FGF12: variants seen among roughly 807,000 people sequenced by gnomAD.
The protein encoded by FGF12 is fibroblast growth factor 12.
In FGF12, 14 loss-of-function variants were observed where a neutral mutation model predicts 23.6. That is an observed-to-expected ratio of 0.59 (90% CI 0.39 to 0.93). The LOEUF (loss-of-function observed/expected upper bound fraction) is 0.93. Among genes scored for constraint, FGF12 ranks in the 40% least tolerant of loss-of-function variants. The pLI, the probability that FGF12 is intolerant of heterozygous loss-of-function variation, is 0.00. For missense variants in FGF12, 175 were observed against 217.8 expected, an observed-to-expected ratio of 0.80 and a Z score of 1.24; for synonymous variants, 62 against 77.3, an observed-to-expected ratio of 0.80 and a Z score of 1.04.
intron 2 of FGF12, among the ~76,000 whole-genome samples, chr3:192,445,633 G>C (rs73889334): frequency 2.0e-5 from 3 of 152,124 alleles, no homozygotes; most frequent in Non-Finnish European, 4.4e-5. Flanking sequence ...AATTCTGAAA[G>C]GTGGGGGTCT....
intron 4 of FGF12, chr3:192,238,457 A>C (rs1719421707): frequency 6.6e-6 from 1 of 152,284 alleles, no homozygotes; most frequent in Non-Finnish European, 1.5e-5. Flanking sequence ...GGAGTGTGCC[A>C]GCAGGGGGAG....
intron 2 of FGF12, among the ~76,000 whole-genome samples, chr3:192,452,721 C>T (rs73068307): frequency 0.048 from 7,234 of 152,216 alleles, 595 homozygotes; most frequent in African/African-American, 0.16. Flanking sequence ...CATCCTTGTC[C>T]GTGATTGTGT....
At chr3:192,320,680 T>A (rs1480904877) in intron 4 of FGF12, among the ~76,000 whole-genome samples, 2 of 151,902 alleles carry the variant, frequency 1.3e-5, no homozygotes, top group African/African-American at 4.8e-5. Context: ...TACAAACATA[T>A]GAAAACTAAT....
At chr3:192,369,780 C>A (rs999486312) in intron 2 of FGF12, among the ~76,000 whole-genome samples, 4 of 152,194 alleles carry the variant, frequency 2.6e-5, no homozygotes, top group African/African-American at 9.7e-5. Context: ...CTTGAAGGCA[C>A]CCACGGCCTG....
At chr3:192,658,493 T>C (rs1443172175) in intron 2 of FGF12, among the ~76,000 whole-genome samples, 1 of 152,200 alleles carries the variant, frequency 6.6e-6, no homozygotes, top group Non-Finnish European at 1.5e-5. Flanking sequence ...AAGATCCTCA[T>C]GGAGAGCAGA....
At chr3:192,254,000 CAT>C (rs988049398) in intron 4 of FGF12, among the ~76,000 whole-genome samples, 1 of 151,928 alleles carries the variant, frequency 6.6e-6, no homozygotes, top group African/African-American at 2.4e-5. Flanking sequence ...AGCTAATTAA[CAT>C]ATGTATCTCA....
intron 2 of FGF12, among the ~76,000 whole-genome samples, chr3:192,524,992 C>T (rs1428899752): frequency 6.6e-6 from 1 of 152,078 alleles, no homozygotes; most frequent in Non-Finnish European, 1.5e-5. Context: ...AATTATTGAT[C>T]ACTCTATTTC....
At chr3:192,194,811 T>C (rs1716979241) in intron 4 of FGF12, among the ~76,000 whole-genome samples, 1 of 152,226 alleles carries the variant, frequency 6.6e-6, no homozygotes, top group South Asian at 2.1e-4. Context: ...ATCATTTTTA[T>C]AACATATTTT....
At chr3:192,225,730 T>C (rs898635075) in intron 4 of FGF12, among the ~76,000 whole-genome samples, 10 of 152,186 alleles carry the variant, frequency 6.6e-5, no homozygotes, top group Non-Finnish European at 1.3e-4. Context: ...CATCAACTAA[T>C]TAATGAATAA....
intron 2 of FGF12, among the ~76,000 whole-genome samples, chr3:192,522,755 C>A (rs543826783): frequency 4.6e-4 from 70 of 152,244 alleles, no homozygotes; most frequent in South Asian, 1.0e-3. Flanking sequence ...TAATGTGCTA[C>A]AATTTTTTTA....
intron 4 of FGF12, among the ~76,000 whole-genome samples, chr3:192,302,375 C>T (rs1715396239): frequency 6.6e-6 from 1 of 152,172 alleles, no homozygotes; most frequent in Non-Finnish European, 1.5e-5. Context: ...AGGAGTCAGA[C>T]ATATAATTAA....
chr3:192,674,201 G>C (rs1717238707), intron 2 of FGF12, among the ~76,000 whole-genome samples: 1 of 138,422 alleles, frequency 7.2e-6, no homozygotes, highest in South Asian at 2.2e-4. Context: ...CATAGACTTG[G>C]GTCAGCTGCT....
intron 2 of FGF12, among the ~76,000 whole-genome samples, chr3:192,375,229 A>C (rs1306596058): frequency 6.6e-6 from 1 of 152,040 alleles, no homozygotes; most frequent in Non-Finnish European, 1.5e-5. Flanking sequence ...CTTTAACTTT[A>C]ATTTTCTGAT....
chr3:192,236,239 AT>A (rs35357344), intron 4 of FGF12, among the ~76,000 whole-genome samples: 151,497 of 151,994 alleles, frequency 1, 75,502 homozygotes, highest in Middle Eastern at 1. Context: ...GTATGATGTC[AT>A]TTTTTTTTGA....
chr3:192,256,597 A>C (rs1220316004), intron 4 of FGF12, among the ~76,000 whole-genome samples: 2 of 152,128 alleles, frequency 1.3e-5, no homozygotes, highest in Non-Finnish European at 2.9e-5. Context: ...TTAATGGCAA[A>C]AAAACTTTTT....
At chr3:192,508,588 A>G (rs1202571787) in intron 2 of FGF12, among the ~76,000 whole-genome samples, 1 of 152,232 alleles carries the variant, frequency 6.6e-6, no homozygotes, top group Non-Finnish European at 1.5e-5. Context: ...GCAAGAGCAG[A>G]GAAAAGGTAT....
At chr3:192,257,405 A>C (rs2108613624) in intron 4 of FGF12, among the ~76,000 whole-genome samples, 1 of 152,262 alleles carries the variant, frequency 6.6e-6, no homozygotes, top group East Asian at 1.9e-4. Flanking sequence ...TGGCAGATGA[A>C]GCTCTAATCC....
rs771206580 is a variant in FGF12, at chr3:192,158,383, T to TTTCTTTCTTTC, written c.427+12074_427+12075insGAAAGAAAGAA. On this transcript the variant is annotated intron_variant, in intron 5 of 5. Transcript: ENST00000445105. The stretch of plus-strand genomic sequence containing the variant: ...CTTTCTTTCTTTCTTTCTTTCTTTC[T>TTTCTTTCTTTC]TTTCTTTCTCTCTCTTTCTTTTTCT... Among the ~76,000 whole-genome samples the TTTCTTTCTTTC allele has an allele frequency of 9.3e-5, 8 of 85,898 alleles. No homozygotes were observed. In the South Asian group the frequency reaches 1.1e-3, roughly 12 times the overall value. The allele number at this position is 85,898 out of a possible 152,430, so 56.4% of individuals were successfully genotyped here.
At chr3:192,261,089 G>C (rs1468800852) in intron 4 of FGF12, among the ~76,000 whole-genome samples, 1 of 152,106 alleles carries the variant, frequency 6.6e-6, no homozygotes, top group Non-Finnish European at 1.5e-5. Context: ...GTACGCAGGG[G>C]CTGAGGAAGG....
Sources: allele counts gnomAD v4.1 joint callset (sites outside exome capture counted in the v4.1 genomes callset), GRCh38; gene constraint gnomAD v4.1.1; transcripts MANE v1.5; gene names NCBI Gene and HGNC (gene_info 2026-07-23, HGNC 2026-07-21).